CCSER2: variants seen among roughly 807,000 people sequenced by gnomAD.
CCSER2 encodes serine-rich coiled-coil domain-containing protein 2.
In CCSER2, 46 loss-of-function variants were observed where a neutral mutation model predicts 92.3. The observed-to-expected ratio is 0.50, with a 90% CI of 0.39 to 0.64. The LOEUF is 0.64. CCSER2 is among the 30% of genes least tolerant of loss of function. The pLI is 0.00. For synonymous variants in CCSER2, 433 were observed against 431.4 expected (o/e 1.00, Z -0.04); for missense variants, 1,244 against 1,238.9 (o/e 1.00, Z -0.06).
chr10:84,468,873 G>A (rs907063749), intron 7 of CCSER2, among the ~76,000 whole-genome samples: 5 of 152,076 alleles, frequency 3.3e-5, no homozygotes, highest in Admixed American at 1.3e-4. Flanking sequence ...TGTCCAAAAA[G>A]GTTAACTGCT....
chr10:84,339,901 G>C (rs528867545), intron 1 of CCSER2, among the ~76,000 whole-genome samples: 1 of 152,092 alleles, frequency 6.6e-6, no homozygotes, highest in South Asian at 2.1e-4. Flanking sequence ...GAGTGCAAAG[G>C]CACAATCTCT....
At chr10:84,438,135 GGT>G (rs1158659219) in intron 5 of CCSER2, among the ~76,000 whole-genome samples, 3 of 152,074 alleles carry the variant, frequency 2.0e-5, no homozygotes, top group Non-Finnish European at 4.4e-5. Flanking sequence ...GGCTAAAAAA[GGT>G]GTGCAATTTA....
chr10:84,439,767 C>G (rs1196994120), intron 6 of CCSER2, among the ~76,000 whole-genome samples: 1 of 152,172 alleles, frequency 6.6e-6, no homozygotes, highest in African/African-American at 2.4e-5. Context: ...TTGTTAACTT[C>G]TCTTGAGGCA....
intron 9 of CCSER2, among the ~76,000 whole-genome samples, chr10:84,486,510 T>A (rs1294495689): frequency 6.6e-6 from 1 of 152,250 alleles, no homozygotes; most frequent in African/African-American, 2.4e-5. Flanking sequence ...ATGAGCTTTT[T>A]TCATGTGTCT....
In CCSER2 at chr10:84,513,750, A is replaced by G. The variant is rs1417865416; in HGVS notation, c.2627A>G (p.Asn876Ser). 1.3e-6 allele frequency: 2 copies of G among 1,537,412 alleles called. No individual in the cohort carries two copies. The highest frequency in any genetic ancestry group is 2.4e-5 in the East Asian group (1 of 40,924). Residue 876 changes from asparagine (N) to serine (S), a missense_variant, in exon 10 of 10, where the codon AAT becomes AGT. Transcript: ENST00000372088. ...CAAGAGCCTTATCATTTGGCAAACA[A>G]TCAAATTAGTGACATGCAGTTTATA... ...NAQEPYHLAN[N>S]QISDMQFIPT...
intron 6 of CCSER2, among the ~76,000 whole-genome samples, chr10:84,461,667 T>A (rs1358298588): frequency 6.6e-6 from 1 of 152,018 alleles, no homozygotes; most frequent in Non-Finnish European, 1.5e-5. Flanking sequence ...TTCTGTTTTT[T>A]TTTTTTCCCC....
chr10:84,491,868 G>A (rs896854684), intron 9 of CCSER2, among the ~76,000 whole-genome samples: 1 of 152,042 alleles, frequency 6.6e-6, no homozygotes, highest in African/African-American at 2.4e-5. Context: ...GTTCCTATTC[G>A]GCCATCTTCT....
At chr10:84,391,812 A>G (rs1841534643) in intron 3 of CCSER2, 7 of 1,564,214 alleles carry the variant, frequency 4.5e-6, no homozygotes, top group Admixed American at 1.7e-5. Flanking sequence ...AGGATTCAGC[A>G]TTCCGTGGAA....
intron 3 of CCSER2, among the ~76,000 whole-genome samples, chr10:84,415,094 C>T (rs1286774502): frequency 1.3e-5 from 2 of 152,132 alleles, no homozygotes; most frequent in Non-Finnish European, 2.9e-5. Flanking sequence ...ATAACATGCT[C>T]CTTTAGCTCA....
At chr10:84,461,241 T>C (rs762834197) in intron 6 of CCSER2, among the ~76,000 whole-genome samples, 1 of 152,174 alleles carries the variant, frequency 6.6e-6, no homozygotes, top group African/African-American at 2.4e-5. Context: ...CTTTCTGTTA[T>C]TAGTTTCTAG....
intron 3 of CCSER2, among the ~76,000 whole-genome samples, chr10:84,409,027 G>C (rs987615665): frequency 6.6e-6 from 1 of 152,032 alleles, no homozygotes; most frequent in Non-Finnish European, 1.5e-5. Flanking sequence ...CTCTCTCTCT[G>C]TTGCCTGGGC....
chr10:84,356,459 G>A (rs1347449844), intron 1 of CCSER2, among the ~76,000 whole-genome samples: 3 of 152,216 alleles, frequency 2.0e-5, no homozygotes, highest in South Asian at 2.1e-4. Context: ...CAGGGAGCCA[G>A]TATTTGAAGA....
intron 5 of CCSER2, among the ~76,000 whole-genome samples, chr10:84,429,368 G>A (rs1425739531): frequency 6.6e-6 from 1 of 152,088 alleles, no homozygotes; most frequent in African/African-American, 2.4e-5. Flanking sequence ...AAAGTGAGGT[G>A]TTCAAGTCTC....
chr10:84,513,666 C>A lies in CCSER2; in HGVS notation c.2543C>A (p.Thr848Lys). The change falls in exon 10 of 10, where the codon ACA becomes AAA. Residue 848 changes from threonine (T) to lysine (K), a missense_variant. By Grantham distance (78) the Thr-to-Lys change is moderately conservative. Coordinates refer to ENST00000372088, the MANE Select transcript of CCSER2 (RefSeq NM_001284240.2). ...EQPFSSGPQLTMDVAKSTPSE... is the reference protein window; with the variant it reads ...EQPFSSGPQLKMDVAKSTPSE... Reference sequence around the variant, plus strand: ...CCTTTTTCATCAGGCCCACAATTAACAATGGATGTGGCTAAGAGTACACCT... The same window carrying A: ...CCTTTTTCATCAGGCCCACAATTAAAAATGGATGTGGCTAAGAGTACACCT... The A allele has an allele frequency of 6.4e-7, 1 of 1,564,998 alleles. No individual in the cohort carries two copies. Among genetic ancestry groups the A allele is most frequent in the South Asian group, 1.1e-5 (1 of 86,968 alleles).
chr10:84,336,109 A>T (rs770463742), intron 1 of CCSER2, among the ~76,000 whole-genome samples: 7 of 152,170 alleles, frequency 4.6e-5, no homozygotes, highest in Non-Finnish European at 2.9e-5. Context: ...TATTGGTACT[A>T]GCTAGAGATG....
chr10:84,336,430 A>T (rs1232075697), intron 1 of CCSER2, among the ~76,000 whole-genome samples: 1 of 152,240 alleles, frequency 6.6e-6, no homozygotes, highest in African/African-American at 2.4e-5. Flanking sequence ...TGTGAGGGTG[A>T]TGCTGCTGTT....
intron 9 of CCSER2, among the ~76,000 whole-genome samples, chr10:84,481,384 T>A (rs1187482115): frequency 6.6e-6 from 1 of 151,512 alleles, no homozygotes; most frequent in Non-Finnish European, 1.5e-5. Context: ...AAATTTTTTA[T>A]ATATTTTATA....
At chr10:84,477,276 C>T (rs1425234599) in intron 8 of CCSER2, among the ~76,000 whole-genome samples, 1 of 151,944 alleles carries the variant, frequency 6.6e-6, no homozygotes, top group East Asian at 1.9e-4. Flanking sequence ...ACTCTCAAAC[C>T]CACTCCCTGA....
At position 84,358,617 on chromosome 10, in the gene CCSER2, C is replaced by T. The variant is rs1276847165; in HGVS notation, c.-39-12397C>T. On this transcript the variant is annotated intron_variant, in intron 1 of 9. Transcript: ENST00000372088. ...ATGCTGGCTTGGGTGACAGTGAGAC[C>T]CTATCTAAATATATATATATGTATA... is the stretch of plus-strand genomic sequence containing the variant. 1.4e-4 allele frequency among the ~76,000 whole-genome samples: 21 copies of T among 147,542 alleles called. No individual in the cohort carries two copies. The Admixed American group carries it at 1.4e-3, about 10-fold the overall frequency.
Sources: gnomAD v4.1 joint callset for allele counts (sites outside exome capture counted in the v4.1 genomes callset) on GRCh38, gnomAD v4.1.1 for gene constraint, MANE v1.5 for transcripts, NCBI Gene and HGNC (gene_info 2026-07-23, HGNC 2026-07-21) for gene names.